Variants in ESRRB observed in about 807,000 individuals in gnomAD.
ESRRB encodes steroid hormone receptor ERR2.
A neutral mutation model predicts 46.0 loss-of-function variants in ESRRB; 16 were observed. The observed-to-expected ratio is 0.35, with a 90% CI of 0.24 to 0.53. The LOEUF (loss-of-function observed/expected upper bound fraction) is 0.53. ESRRB is among the 20% of genes least tolerant of loss of function. ESRRB has a pLI of 0.93. For missense variants in ESRRB, 488 were observed against 607.4 expected, an observed-to-expected ratio of 0.80 and a Z score of 2.07; for synonymous variants, 246 against 259.6, an observed-to-expected ratio of 0.95 and a Z score of 0.50.
intron 1 of ESRRB, among the ~76,000 whole-genome samples, chr14:76,339,822 G>A (rs80078000): frequency 0.038 from 5,748 of 152,206 alleles, 313 homozygotes; most frequent in African/African-American, 0.12. Flanking sequence ...CGCGTGCCCC[G>A]TCACATCGCA....
intron 1 of ESRRB, among the ~76,000 whole-genome samples, chr14:76,387,934 T>G (rs1242212860): frequency 6.6e-6 from 1 of 152,218 alleles, no homozygotes. Flanking sequence ...GGCTTTGTCC[T>G]AAGAATATTT....
chr14:76,342,393 CA>C (rs1465523632), intron 1 of ESRRB, among the ~76,000 whole-genome samples: 2 of 152,156 alleles, frequency 1.3e-5, no homozygotes, highest in African/African-American at 4.8e-5. Context: ...GAGCCCTAAG[CA>C]AGCCTGTAGG....
chr14:76,407,898 T>C (rs1462719603), intron 1 of ESRRB, among the ~76,000 whole-genome samples: 1 of 152,200 alleles, frequency 6.6e-6, no homozygotes, highest in Non-Finnish European at 1.5e-5. Flanking sequence ...AGGCAGCCTG[T>C]GAATTCTTAT....
At chr14:76,493,122 G>T (rs567150541) in intron 6 of ESRRB, among the ~76,000 whole-genome samples, 2 of 152,136 alleles carry the variant, frequency 1.3e-5, no homozygotes, top group Admixed American at 6.5e-5. Context: ...TGTTCAGTGG[G>T]GATATTCTGA....
At chr14:76,452,581 T>C (rs1481956595) in intron 2 of ESRRB, among the ~76,000 whole-genome samples, 4 of 148,612 alleles carry the variant, frequency 2.7e-5, no homozygotes, top group Non-Finnish European at 5.9e-5. Flanking sequence ...GATCAGGCCA[T>C]TGCACTCCAG....
At chr14:76,398,130 C>T (rs1885776257) in intron 1 of ESRRB, among the ~76,000 whole-genome samples, 1 of 152,224 alleles carries the variant, frequency 6.6e-6, no homozygotes, top group African/African-American at 2.4e-5. Context: ...TGCTAGCTGG[C>T]ATGCATTGAA....
chr14:76,459,568 G>C (rs1888766826), intron 2 of ESRRB, among the ~76,000 whole-genome samples: 1 of 152,030 alleles, frequency 6.6e-6, no homozygotes, highest in African/African-American at 2.4e-5. Flanking sequence ...GGGTGGGCCT[G>C]GGTGGGAACG....
intron 1 of ESRRB, among the ~76,000 whole-genome samples, chr14:76,391,755 A>G (rs534874963): frequency 6.6e-6 from 1 of 152,294 alleles, no homozygotes; most frequent in South Asian, 2.1e-4. Context: ...TTTGGGGTGC[A>G]CCACTAGTGG....
chr14:76,492,202 C>T (rs1484046948), intron 6 of ESRRB, among the ~76,000 whole-genome samples: 2 of 152,188 alleles, frequency 1.3e-5, no homozygotes, highest in Non-Finnish European at 2.9e-5. Context: ...CTTGTTCTGT[C>T]GCCCAGGTAG....
chr14:76,414,971 T>A (rs1405173341), intron 1 of ESRRB, among the ~76,000 whole-genome samples: 1 of 152,180 alleles, frequency 6.6e-6, no homozygotes, highest in African/African-American at 2.4e-5. Flanking sequence ...TTAAATTCTA[T>A]GAAAACTCTA....
chr14:76,430,822 G>T (rs1887406715), intron 1 of ESRRB, among the ~76,000 whole-genome samples: 1 of 152,204 alleles, frequency 6.6e-6, no homozygotes, highest in South Asian at 2.1e-4. Flanking sequence ...GCCCCAGCAG[G>T]GATGAGGCTC....
At chr14:76,422,128 C>T (rs1055129546) in intron 1 of ESRRB, among the ~76,000 whole-genome samples, 1 of 151,882 alleles carries the variant, frequency 6.6e-6, no homozygotes, top group Admixed American at 6.6e-5. Flanking sequence ...AGCCAAGGAG[C>T]CTGGGAGTGA....
At chr14:76,424,929 G>C (rs1887133521) in intron 1 of ESRRB, among the ~76,000 whole-genome samples, 1 of 152,064 alleles carries the variant, frequency 6.6e-6, no homozygotes, top group African/African-American at 2.4e-5. Context: ...TAGAGATGGG[G>C]TTTCACCATC....
At chr14:76,356,765 C>G (rs973045477) in intron 1 of ESRRB, among the ~76,000 whole-genome samples, 2 of 152,374 alleles carry the variant, frequency 1.3e-5, no homozygotes, top group Middle Eastern at 6.8e-3. Context: ...TAAATAATCA[C>G]TCCTGTCCAG....
chr14:76,453,130 T>A (rs1227391283), intron 2 of ESRRB, among the ~76,000 whole-genome samples: 1 of 152,210 alleles, frequency 6.6e-6, no homozygotes, highest in African/African-American at 2.4e-5. Flanking sequence ...AGCTCAAATT[T>A]GAGAACTGGT....
chr14:76,500,285 C>G lies in ESRRB; in HGVS notation c.*1827C>G. On this transcript the variant is annotated 3_prime_UTR_variant, in exon 7 of 7. Coordinates refer to ENST00000644823, the MANE Select transcript of ESRRB (RefSeq NM_001379180.1). ...GAGCCCTCCCAGACCAGTGATGTGT[C>G]CCTCCGGCTCCCCTTGCCTGTGGGG... 1 of 597,184 alleles carries G rather than the reference C, an allele frequency of 1.7e-6. No homozygotes were observed. The highest frequency in any genetic ancestry group is 3.0e-6 in the Non-Finnish European group (1 of 337,158). 37.0% of individuals were successfully genotyped at this position (597,184 alleles called of 1,614,324 possible). A position where few individuals can be genotyped will look rare whatever the true frequency, so the allele number is the denominator to read the frequency against.
chr14:76,358,397 A>AAGAAAGAAAGAAAGAAAGAGAGAG lies in ESRRB; in HGVS notation c.2+47498_2+47499insGAGAGAGAGAAAGAAAGAAAGAAA, dbSNP rs1884421995. Among the ~76,000 whole-genome samples, 3 of 126,970 alleles carry AAGAAAGAAAGAAAGAAAGAGAGAG rather than the reference A, an allele frequency of 2.4e-5. 1 individual carries two copies. Among genetic ancestry groups the AAGAAAGAAAGAAAGAAAGAGAGAG allele is most frequent in the African/African-American group, 9.3e-5 (3 of 32,232 alleles). The allele number at this position is 126,970 out of a possible 152,430, so 83.3% of individuals were successfully genotyped here. A position where few individuals can be genotyped will look rare whatever the true frequency, so the allele number is the denominator to read the frequency against. ...AAAGAAAGAAAGAAAGAAAGAAAGA[A>AAGAAAGAAAGAAAGAAAGAGAGAG]AGAAAGAAAGAAAGAAAAGAAAAGA... On this transcript the variant is annotated intron_variant, in intron 1 of 6. Coordinates refer to the ESRRB transcript ENST00000512784.
In ESRRB at chr14:76,501,761, C is replaced by T. The variant is rs1346048239; in HGVS notation, c.*3303C>T. 6.6e-6 allele frequency: 1 copy of T among 152,146 alleles called. No individual in the cohort carries two copies. The highest frequency in any genetic ancestry group is 2.1e-4 in the South Asian group (1 of 4,824). The allele number at this position is 152,146 out of a possible 1,614,324, so 9.4% of individuals were successfully genotyped here. On this transcript the variant is annotated 3_prime_UTR_variant, in exon 7 of 7. Transcript: ENST00000644823. Reference sequence around the variant, plus strand: ...CCTCTGTATATGTTCTCCCAGAAACCCCCATGTAAATCAAATGCCCTAGGA... The same window carrying T: ...CCTCTGTATATGTTCTCCCAGAAACTCCCATGTAAATCAAATGCCCTAGGA...
At chr14:76,418,439 C>A (rs1159230874) in intron 1 of ESRRB, among the ~76,000 whole-genome samples, 1 of 152,150 alleles carries the variant, frequency 6.6e-6, no homozygotes, top group East Asian at 1.9e-4. Context: ...TATGAACTAA[C>A]CTCCATACTT....
Sources: gnomAD v4.1 joint callset for allele counts (sites outside exome capture counted in the v4.1 genomes callset) on GRCh38, gnomAD v4.1.1 for gene constraint, MANE v1.5 for transcripts, NCBI Gene and HGNC (gene_info 2026-07-23, HGNC 2026-07-21) for gene names.